Variants in ZNF644 observed in about 807,000 individuals in gnomAD.
ZNF644 encodes zinc finger protein 644.
Under a neutral mutation model 108.0 loss-of-function variants are expected in ZNF644, and 20 were observed. The observed-to-expected ratio is 0.19, with a 90% CI of 0.13 to 0.27. The LOEUF is 0.27. ZNF644 is among the 10% of genes least tolerant of loss of function. ZNF644 has a pLI of 1.00. For missense variants in ZNF644, 1,338 were observed against 1,548.9 expected, an observed-to-expected ratio of 0.86 and a Z score of 2.29; for synonymous variants, 542 against 539.1, an observed-to-expected ratio of 1.01 and a Z score of -0.08.
intron 1 of ZNF644, among the ~76,000 whole-genome samples, chr1:90,998,033 A>T (rs181294961): frequency 1.3e-3 from 196 of 152,308 alleles, no homozygotes; most frequent in Non-Finnish European, 2.2e-3. Flanking sequence ...TTGAGTAGGT[A>T]AACAAAGCGG....
At chr1:90,992,397 CA>C (rs77298407) in intron 1 of ZNF644, among the ~76,000 whole-genome samples, 4,738 of 136,878 alleles carry the variant, frequency 0.035, 79 homozygotes, top group Middle Eastern at 0.071. Context: ...CATTTATAAC[CA>C]AAAAAAAAAA....
chr1:90,918,032 T>A lies in ZNF644; in HGVS notation c.3791+20A>T. ...CAAAGTATGAAGAAACTGATCAGATTTGGCAATATAGGCATATACCTGCAT... is the reference window on the plus strand; with the variant it reads ...CAAAGTATGAAGAAACTGATCAGATATGGCAATATAGGCATATACCTGCAT... On this transcript the variant is annotated intron_variant, in intron 5 of 5. Transcript: ENST00000337393. 6.3e-7 allele frequency: 1 copy of A among 1,588,404 alleles called. No homozygotes were observed. Among genetic ancestry groups the A allele is most frequent in the Non-Finnish European group, 8.6e-7 (1 of 1,156,580 alleles).
intron 1 of ZNF644, among the ~76,000 whole-genome samples, chr1:90,989,982 A>C (rs1657478325): frequency 6.6e-6 from 1 of 151,520 alleles, no homozygotes. Context: ...ATGCAGCCTT[A>C]AAACAGAAGG....
chr1:91,020,002 G>A (rs1221579112), intron 1 of ZNF644, among the ~76,000 whole-genome samples: 1 of 152,048 alleles, frequency 6.6e-6, no homozygotes, highest in African/African-American at 2.4e-5. Flanking sequence ...CCAGCAATAT[G>A]ACAAATACAA....
rs760109213 is a variant in ZNF644, at chr1:90,938,576, A to AC, written c.2777dup (p.Ser926ArgfsTer2). On this transcript the variant is annotated frameshift_variant, in exon 3 of 6. Transcript: ENST00000337393. LOFTEE classifies it high-confidence loss of function. This position sits in a 1 kb window ranked among gnomAD's most constrained non-coding sequence, Gnocchi z 4.2. ...CATGTATCTCATGCAAAAAGTTGTT[A>AC]CTTCCAGTATCTTCATAGTATTCAA... 6.2e-7 allele frequency: 1 copy of AC among 1,613,912 alleles called. No individual in the cohort carries two copies. The highest frequency in any genetic ancestry group is 8.5e-7 in the Non-Finnish European group (1 of 1,179,862).
At chr1:90,990,964 A>T (rs1657577724) in intron 1 of ZNF644, among the ~76,000 whole-genome samples, 1 of 152,186 alleles carries the variant, frequency 6.6e-6, no homozygotes, top group African/African-American at 2.4e-5. Context: ...TGATGAATAT[A>T]TTCATCATCC....
At chr1:90,951,958 C>A (rs75329426) in intron 2 of ZNF644, among the ~76,000 whole-genome samples, 4,699 of 152,146 alleles carry the variant, frequency 0.031, 98 homozygotes, top group Middle Eastern at 0.054. Flanking sequence ...TGCAGCAAAG[C>A]ACATAATAGG....
intron 2 of ZNF644, among the ~76,000 whole-genome samples, chr1:90,967,081 A>G (rs570442546): frequency 1.3e-5 from 2 of 152,234 alleles, no homozygotes; most frequent in South Asian, 4.1e-4. Flanking sequence ...AATCTTTTAT[A>G]CAGTTGAAAT....
At chr1:90,997,117 A>C (rs1476845304) in intron 1 of ZNF644, among the ~76,000 whole-genome samples, 4 of 152,210 alleles carry the variant, frequency 2.6e-5, no homozygotes, top group Non-Finnish European at 4.4e-5. Context: ...GGGCTTTGTA[A>C]AGCTCCAACA....
At chr1:90,994,109 C>A (rs1485955848) in intron 1 of ZNF644, among the ~76,000 whole-genome samples, 2 of 152,072 alleles carry the variant, frequency 1.3e-5, no homozygotes, top group Admixed American at 1.3e-4. Context: ...AGTACATTTG[C>A]AAAAACTATT....
At chr1:90,947,672 A>T (rs1652665298) in intron 2 of ZNF644, among the ~76,000 whole-genome samples, 1 of 152,172 alleles carries the variant, frequency 6.6e-6, no homozygotes, top group Non-Finnish European at 1.5e-5. Flanking sequence ...GAAAAGTGAG[A>T]GTGTTCAAAG....
rs759379804 is a variant in ZNF644, at chr1:90,938,522, A to G, written c.2832T>C (p.Ala944=). 9 of 1,613,882 alleles carry G rather than the reference A, an allele frequency of 5.6e-6. No homozygotes were observed. In the South Asian group the frequency reaches 9.9e-5, roughly 18 times the overall value. ...HDPQHLETAD[A]SLSKHSSVFH... is the part of the protein sequence containing the mutation. The stretch of plus-strand genomic sequence containing the variant: ...AAACAGAACTATGCTTTGACAATGA[A>G]GCATCTGCAGTTTCTAAATGCTGAG... The change falls in exon 3 of 6, where the codon GCT becomes GCC. Residue 944 remains alanine (A), a synonymous_variant. Coordinates refer to ENST00000337393, the MANE Select transcript of ZNF644 (RefSeq NM_201269.3). The surrounding 1 kb of genome is among the most constrained non-coding windows in gnomAD (Gnocchi z 4.2).
At position 90,968,388 on chromosome 1, in the gene ZNF644, T is replaced by A. The variant is rs1024916295; in HGVS notation, c.44+13922A>T. On this transcript the variant is annotated intron_variant, in intron 2 of 5. Transcript: ENST00000337393. ...TTAAAAATTTGTCAACTAGCTAATT[T>A]GCTTTTAAACTGTATATAAGCATTC... 2.6e-5 allele frequency among the ~76,000 whole-genome samples: 4 copies of A among 152,210 alleles called. No homozygotes were observed. In the East Asian group the frequency reaches 7.7e-4, roughly 29 times the overall value.
At chr1:91,006,195 A>T (rs748898316) in intron 1 of ZNF644, among the ~76,000 whole-genome samples, 38 of 152,226 alleles carry the variant, frequency 2.5e-4, no homozygotes, top group Non-Finnish European at 5.1e-4. Context: ...AAGATGACAT[A>T]GGAAATCTGA....
At chr1:91,015,313 G>A (rs918775719) in intron 1 of ZNF644, among the ~76,000 whole-genome samples, 3 of 152,114 alleles carry the variant, frequency 2.0e-5, no homozygotes, top group Admixed American at 6.5e-5. Flanking sequence ...AACAAAGTGT[G>A]GAGAGGAAAA....
chr1:90,981,886 A>C (rs1656586085), intron 2 of ZNF644, among the ~76,000 whole-genome samples: 1 of 152,124 alleles, frequency 6.6e-6, no homozygotes, highest in Non-Finnish European at 1.5e-5. Flanking sequence ...TGCTTCCTTA[A>C]CATTAAAAAT....
rs1175345390 is a variant in ZNF644, at chr1:90,940,170, T to A, written c.1184A>T (p.Asp395Val). 4 of 1,614,028 alleles carry A rather than the reference T, an allele frequency of 2.5e-6. No individual in the cohort carries two copies. The highest frequency in any genetic ancestry group is 1.7e-5 in the Admixed American group (1 of 59,996). ...NTLKKKCEES[D>V]SESPATFSTE... ...ACTGAAAGTAGCAGGTGACTCAGAA[T>A]CACTCTCTTCACATTTCTTTTTTAA... The change falls in exon 3 of 6, where the codon GAT becomes GTT. Residue 395 changes from aspartate (D) to valine (V), a missense_variant. By Grantham distance (152) the Asp-to-Val change is radical. Transcript: ENST00000337393.
chr1:91,019,346 A>G (rs1660690856), intron 1 of ZNF644, among the ~76,000 whole-genome samples: 1 of 152,226 alleles, frequency 6.6e-6, no homozygotes, highest in African/African-American at 2.4e-5. Context: ...TTCCTACATA[A>G]TAACTGGCAA....
intron 1 of ZNF644, among the ~76,000 whole-genome samples, chr1:90,992,175 CTT>C (rs1461392407): frequency 6.6e-6 from 1 of 152,112 alleles, no homozygotes; most frequent in Non-Finnish European, 1.5e-5. Flanking sequence ...CATAAGGAAA[CTT>C]TTTGAAACTA....
Sources: gnomAD v4.1 joint callset for allele counts (sites outside exome capture counted in the v4.1 genomes callset) on GRCh38, gnomAD v4.1.1 for gene constraint, Gnocchi (gnomAD v3.1) non-coding constraint, MANE v1.5 for transcripts, NCBI Gene and HGNC (gene_info 2026-07-23, HGNC 2026-07-21) for gene names.